The following RUNX1 variants were observed in gnomAD, a reference collection of about 807,000 sequenced individuals.
RUNX1 encodes RUNX family transcription factor 1, also known as runt-related transcription factor 1.
Under a neutral mutation model 42.8 loss-of-function variants are expected in RUNX1, and 19 were observed. That is an observed-to-expected ratio of 0.44 (90% CI 0.31 to 0.65). RUNX1 has a LOEUF of 0.65. Ranked by LOEUF, RUNX1 falls within the 30% of genes least tolerant of loss-of-function variation. The pLI is 0.07. For synonymous variants in RUNX1, 271 were observed against 289.4 expected, an observed-to-expected ratio of 0.94 and a Z score of 0.64; for missense variants, 528 against 672.0, an observed-to-expected ratio of 0.79 and a Z score of 2.37.
chr21:34,990,376 C>A (rs1455540419), intron 2 of RUNX1, among the ~76,000 whole-genome samples: 1 of 152,160 alleles, frequency 6.6e-6, no homozygotes. Context: ...AGAGCAGGAA[C>A]CCCCAGAATG....
intron 2 of RUNX1, among the ~76,000 whole-genome samples, chr21:35,005,873 C>T (rs2059080708): frequency 1.3e-5 from 2 of 152,172 alleles, no homozygotes; most frequent in African/African-American, 4.8e-5. Context: ...TGCAGGTGTG[C>T]CTCATGGCCT....
intron 5 of RUNX1, among the ~76,000 whole-genome samples, chr21:34,872,683 G>A (rs373951674): frequency 3.3e-5 from 5 of 152,242 alleles, no homozygotes; most frequent in South Asian, 2.1e-4. Context: ...GCGAGATCAC[G>A]CATGACTGGA....
chr21:34,906,292 A>G (rs1272845036), intron 2 of RUNX1, among the ~76,000 whole-genome samples: 1 of 152,236 alleles, frequency 6.6e-6, no homozygotes, highest in East Asian at 1.9e-4. Flanking sequence ...TTGGTTCGTC[A>G]CTAGGAATCC....
intron 2 of RUNX1, among the ~76,000 whole-genome samples, chr21:34,976,309 C>T (rs1386676795): frequency 6.6e-6 from 1 of 152,016 alleles, no homozygotes; most frequent in African/African-American, 2.4e-5. Context: ...GAAAAATTTC[C>T]TCAAATATAT....
At chr21:34,930,293 A>ATATATATATATATATAT (rs1569110404) in intron 2 of RUNX1, among the ~76,000 whole-genome samples, 1 of 125,540 alleles carries the variant, frequency 8.0e-6, no homozygotes, top group African/African-American at 3.8e-5. Flanking sequence ...TATATATATA[A>ATATATATATATATATAT]ATAAATAAAT....
intron 2 of RUNX1, among the ~76,000 whole-genome samples, chr21:34,993,754 GACAC>G (rs138606142): frequency 2.1e-5 from 1 of 48,042 alleles, no homozygotes; most frequent in African/African-American, 1.2e-4. Flanking sequence ...CACACACACA[GACAC>G]ACACAGGCGC....
chr21:34,799,648 A>C (rs1237911324), intron 7 of RUNX1, among the ~76,000 whole-genome samples, 186 bp from the exon 8 acceptor site: 2 of 152,202 alleles, frequency 1.3e-5, no homozygotes, highest in African/African-American at 4.8e-5. Flanking sequence ...CCCCCAAAAG[A>C]GACTGATTCT....
intron 8 of RUNX1, among the ~76,000 whole-genome samples, chr21:34,796,174 C>A (rs1017210606): frequency 1.3e-5 from 2 of 152,222 alleles, no homozygotes; most frequent in Non-Finnish European, 2.9e-5. Context: ...AGTTCTTTCA[C>A]TTGTGAGGAG....
intron 2 of RUNX1, among the ~76,000 whole-genome samples, chr21:34,988,279 C>T (rs536513258): frequency 1.3e-5 from 2 of 152,170 alleles, no homozygotes; most frequent in African/African-American, 4.8e-5. Context: ...CTTGTGGACA[C>T]AGCCGGGGGA....
At chr21:34,990,922 A>G (rs1412196179) in intron 2 of RUNX1, among the ~76,000 whole-genome samples, 6 of 152,186 alleles carry the variant, frequency 3.9e-5, no homozygotes, top group African/African-American at 9.7e-5. Flanking sequence ...CATTTTGCAT[A>G]AAAGCAGACA....
At chr21:34,915,488 C>A (rs77884453) in intron 2 of RUNX1, among the ~76,000 whole-genome samples, 4,564 of 152,132 alleles carry the variant, frequency 0.03, 91 homozygotes, top group Non-Finnish European at 0.045. Flanking sequence ...CACAAATAGG[C>A]AAAAAGACTC....
intron 2 of RUNX1, among the ~76,000 whole-genome samples, chr21:34,962,497 T>G (rs185073249): frequency 2.0e-5 from 3 of 152,354 alleles, no homozygotes; most frequent in Admixed American, 2.0e-4. Flanking sequence ...CTTATAAAAA[T>G]TTGTAGTAAT....
intron 7 of RUNX1, among the ~76,000 whole-genome samples, chr21:34,823,460 T>TTTTTTTTC (rs1214736427): frequency 7.8e-6 from 1 of 128,240 alleles, no homozygotes; most frequent in African/African-American, 3.1e-5. Flanking sequence ...TTTTTTTTTT[T>TTTTTTTTC]CAGATGGAGT....
chr21:34,826,593 T>G (rs1156735316), intron 7 of RUNX1, among the ~76,000 whole-genome samples: 1 of 151,596 alleles, frequency 6.6e-6, no homozygotes, highest in Non-Finnish European at 1.5e-5. Flanking sequence ...TGTGCCACCA[T>G]GCCCAGCTAA....
chr21:34,857,118 A>G (rs1157283257), intron 6 of RUNX1, among the ~76,000 whole-genome samples: 2 of 152,180 alleles, frequency 1.3e-5, no homozygotes, highest in Non-Finnish European at 2.9e-5. Flanking sequence ...ACCTGGGGCT[A>G]TTGCACCTCT....
intron 7 of RUNX1, among the ~76,000 whole-genome samples, chr21:34,805,905 A>G (rs2056672236): frequency 6.6e-6 from 1 of 152,238 alleles, no homozygotes; most frequent in South Asian, 2.1e-4. Flanking sequence ...AAGAAGTGGT[A>G]GTTATTTGAT....
intron 7 of RUNX1, among the ~76,000 whole-genome samples, chr21:34,824,087 A>G (rs2056951066): frequency 1.3e-5 from 2 of 152,182 alleles, no homozygotes; most frequent in Admixed American, 6.5e-5. Context: ...TTTCTGCCCA[A>G]TCTTTCCTAT....
intron 2 of RUNX1, among the ~76,000 whole-genome samples, chr21:34,945,979 C>T (rs1055007318): frequency 6.6e-6 from 1 of 152,212 alleles, no homozygotes; most frequent in African/African-American, 2.4e-5. Flanking sequence ...ATCTTCTCTT[C>T]CTGGTTTTCC....
At chr21:34,869,555 T>C (rs1028678720) in intron 5 of RUNX1, among the ~76,000 whole-genome samples, 1 of 152,180 alleles carries the variant, frequency 6.6e-6, no homozygotes. Context: ...TGCAAGATAA[T>C]AGTGTAGTAA....
Sources: gnomAD v4.1 joint callset for allele counts (sites outside exome capture counted in the v4.1 genomes callset) on GRCh38, gnomAD v4.1.1 for gene constraint, MANE v1.5 for transcripts, NCBI Gene and HGNC (gene_info 2026-07-23, HGNC 2026-07-21) for gene names.